The following DGLUCY variants were observed in gnomAD, a reference collection of about 807,000 sequenced individuals.
The protein encoded by DGLUCY is D-glutamate cyclase, also known as D-glutamate cyclase, mitochondrial.
A neutral mutation model predicts 58.5 loss-of-function variants in DGLUCY; 58 were observed. The ratio of observed to expected loss-of-function variants is 0.99; its 90% CI spans 0.80 to 1.23. DGLUCY has a LOEUF of 1.23. DGLUCY is among the 50% of genes most tolerant of loss of function. DGLUCY has a pLI of 0.00. For synonymous variants in DGLUCY, 325 were observed against 314.1 expected (o/e 1.03, Z -0.37); for missense variants, 779 against 784.7 (o/e 0.99, Z 0.09).
At chr14:91,107,239 C>T (rs999235678), upstream of DGLUCY, among the ~76,000 whole-genome samples, 1 of 152,166 alleles carries the variant, frequency 6.6e-6, no homozygotes. Context: ...CTTCATTTCG[C>T]TAGGTGTGGT....
In DGLUCY at chr14:91,170,488, C is replaced by T. The variant is rs555207518; in HGVS notation, c.456+287C>T. ...GGGATTTCTCTGGCTCCTTTAACTT[C>T]AGGCACCTCAGCGAGATTTTTAAAA... On this transcript the variant is annotated intron_variant, in intron 5 of 13. Coordinates refer to ENST00000256324, the MANE Select transcript of DGLUCY (RefSeq NM_001102368.3). Among the ~76,000 whole-genome samples, 45 of 152,316 alleles carry T rather than the reference C, an allele frequency of 3.0e-4. No individual in the cohort carries two copies. In the East Asian group the frequency reaches 7.1e-3, roughly 24 times the overall value.
chr14:91,118,982 T>A (rs576334051), intron 1 of DGLUCY, among the ~76,000 whole-genome samples: 22 of 152,266 alleles, frequency 1.4e-4, no homozygotes, highest in African/African-American at 5.1e-4. Context: ...AAAATTTTTT[T>A]AAATTATACT....
At chr14:91,097,689 T>A (rs1231076063) in intron 1 of DGLUCY, among the ~76,000 whole-genome samples, 1 of 151,768 alleles carries the variant, frequency 6.6e-6, no homozygotes, top group African/African-American at 2.4e-5. Flanking sequence ...TTTTTTTTTT[T>A]TGAGACGGAG....
intron 1 of DGLUCY, among the ~76,000 whole-genome samples, chr14:91,061,387 G>A (rs1390896998): frequency 1.3e-5 from 2 of 152,218 alleles, no homozygotes; most frequent in Non-Finnish European, 2.9e-5. Context: ...GGCGCCGAAA[G>A]GATGCAGAGA....
Position 91,217,736 on chromosome 14 carries a change from C to T in DGLUCY, c.1716+2180C>T, listed in dbSNP as rs563971540. Among the ~76,000 whole-genome samples, 4 of 152,264 alleles carry T rather than the reference C, an allele frequency of 2.6e-5. No individual in the cohort carries two copies. In the East Asian group the frequency reaches 7.7e-4, roughly 29 times the overall value. On this transcript the variant is annotated intron_variant, in intron 13 of 13. Coordinates refer to ENST00000256324, the MANE Select transcript of DGLUCY (RefSeq NM_001102368.3). ...CTCCTGACCTCAGGTGATCCACCTG[C>T]CTCAGCCTCCCAAAGTGCTGGGATT... is the stretch of plus-strand genomic sequence containing the variant.
At chr14:91,063,081 A>G (rs1170923598) in intron 1 of DGLUCY, among the ~76,000 whole-genome samples, 2 of 152,216 alleles carry the variant, frequency 1.3e-5, no homozygotes, top group Non-Finnish European at 2.9e-5. Context: ...GGGTGCTACA[A>G]TAGAATGTAT....
chr14:91,123,775 C>T (rs1015405157), intron 1 of DGLUCY, among the ~76,000 whole-genome samples: 1 of 152,150 alleles, frequency 6.6e-6, no homozygotes, highest in East Asian at 1.9e-4. Flanking sequence ...GACAGGGTTT[C>T]GCCATGTTGC....
At chr14:91,062,546 T>TAAAAAAAAAAAAAA (rs745934410) in intron 1 of DGLUCY, among the ~76,000 whole-genome samples, 1 of 18,154 alleles carries the variant, frequency 5.5e-5, no homozygotes, top group African/African-American at 2.0e-4. Flanking sequence ...AGACTCTGTC[T>TAAAAAAAAAAAAAA]AAAAAAAAAA....
intron 1 of DGLUCY, among the ~76,000 whole-genome samples, chr14:91,108,516 TGTGTGTGTGTGA>T (rs1280387401): frequency 1.1e-3 from 98 of 90,056 alleles, no homozygotes; most frequent in East Asian, 2.1e-3. Flanking sequence ...TGTGTGTGTG[TGTGTGTGTGTGA>T]GAGAGAGAGA....
At chr14:91,086,502 A>G (rs908292273) in intron 1 of DGLUCY, among the ~76,000 whole-genome samples, 1 of 152,192 alleles carries the variant, frequency 6.6e-6, no homozygotes, top group African/African-American at 2.4e-5. Flanking sequence ...TGTAAATGCT[A>G]TATAGACCAT....
At chr14:91,119,574 A>C (rs1368005564) in intron 1 of DGLUCY, among the ~76,000 whole-genome samples, 1 of 151,852 alleles carries the variant, frequency 6.6e-6, no homozygotes, top group Admixed American at 6.6e-5. Context: ...CTCCCTAAAT[A>C]TCCTCTGGGT....
chr14:91,146,340 G>C (rs1475125038), intron 1 of DGLUCY, among the ~76,000 whole-genome samples: 1 of 152,214 alleles, frequency 6.6e-6, no homozygotes, highest in Non-Finnish European at 1.5e-5. Context: ...AAAACCTTTG[G>C]AGAAGTGATT....
At chr14:91,097,646 T>C (rs2140076920) in intron 1 of DGLUCY, among the ~76,000 whole-genome samples, 1 of 151,094 alleles carries the variant, frequency 6.6e-6, no homozygotes, top group East Asian at 1.9e-4. Flanking sequence ...TGTCTCTCTC[T>C]ACTTGGCGAT....
At chr14:91,189,418 C>G (rs1479238170) in intron 9 of DGLUCY, among the ~76,000 whole-genome samples, 2 of 152,208 alleles carry the variant, frequency 1.3e-5, no homozygotes, top group Admixed American at 1.3e-4. Flanking sequence ...GGGATCCTTC[C>G]TGCACACCTG....
intron 1 of DGLUCY, among the ~76,000 whole-genome samples, chr14:91,153,076 T>A (rs1018754313): frequency 6.6e-6 from 1 of 152,222 alleles, no homozygotes; most frequent in Non-Finnish European, 1.5e-5. Flanking sequence ...CTTGAAATAC[T>A]TGCTTCTGAA....
intron 1 of DGLUCY, among the ~76,000 whole-genome samples, chr14:91,096,882 A>C (rs779096759): frequency 6.6e-5 from 10 of 152,180 alleles, no homozygotes; most frequent in Non-Finnish European, 1.5e-4. Flanking sequence ...GCACTGGGAA[A>C]ATTGGAGAAA....
chr14:91,068,079 G>GCACACACA lies in DGLUCY; in HGVS notation c.-82+7405_-82+7412dup, dbSNP rs57428509. Among the ~76,000 whole-genome samples, 1,056 of 146,420 alleles carry GCACACACA rather than the reference G, an allele frequency of 7.2e-3. 6 individuals are homozygous for GCACACACA. Among genetic ancestry groups the GCACACACA allele is most frequent in the Middle Eastern group, 0.038 (11 of 286 alleles). On this transcript the variant is annotated intron_variant, in intron 1 of 4. Coordinates refer to the DGLUCY transcript ENST00000521334. ...CGCGTGCACACACACACACGCGCAC[G>GCACACACA]CACACACACACACACACACACACAC...
chr14:91,068,800 A>G lies in DGLUCY; in HGVS notation c.-82+8096A>G, dbSNP rs528041219. 1.5e-4 allele frequency among the ~76,000 whole-genome samples: 23 copies of G among 152,374 alleles called. No homozygotes were observed. In the South Asian group the frequency reaches 4.8e-3, roughly 32 times the overall value. ...AGGTCCCATTTTTAATGAAACAAGGAAACTCTCAGAACCTCAAACCACAAA... is the reference window on the plus strand; with the variant it reads ...AGGTCCCATTTTTAATGAAACAAGGGAACTCTCAGAACCTCAAACCACAAA... On this transcript the variant is annotated intron_variant, in intron 1 of 4. Coordinates refer to the DGLUCY transcript ENST00000521334.
At chr14:91,109,360 T>C (rs1423823895), upstream of DGLUCY, among the ~76,000 whole-genome samples, 1 of 152,012 alleles carries the variant, frequency 6.6e-6, no homozygotes, top group Non-Finnish European at 1.5e-5. Context: ...TGGGGACAAG[T>C]TGCTTCACCT....
Sources: gnomAD v4.1 joint callset for allele counts (sites outside exome capture counted in the v4.1 genomes callset) on GRCh38, gnomAD v4.1.1 for gene constraint, MANE v1.5 for transcripts, NCBI Gene and HGNC (gene_info 2026-07-23, HGNC 2026-07-21) for gene names.